GRIP1: variants seen among roughly 807,000 people sequenced by gnomAD.
The protein encoded by GRIP1 is glutamate receptor interacting protein 1, also known as glutamate receptor-interacting protein 1.
In GRIP1, 45 loss-of-function variants were observed where a neutral mutation model predicts 129.9. That is an observed-to-expected ratio of 0.35 (90% confidence interval 0.27 to 0.44). GRIP1 has a LOEUF of 0.44. Ranked by LOEUF, GRIP1 falls within the 20% of genes least tolerant of loss-of-function variation. The pLI, the probability that GRIP1 is intolerant of heterozygous loss-of-function variation, is 1.00. For synonymous variants in GRIP1, 530 were observed against 520.8 expected (o/e 1.02, Z -0.24); for missense variants, 1,196 against 1,396.8 (o/e 0.86, Z 2.29).
intron 1 of GRIP1, among the ~76,000 whole-genome samples, chr12:66,888,337 A>G (rs1398103181): frequency 6.6e-6 from 1 of 152,046 alleles, no homozygotes; most frequent in Admixed American, 6.6e-5. Context: ...CTAGGATTAC[A>G]GGCATGAACC....
At chr12:66,977,723 AGCCAAT>A (rs1366881953) in intron 1 of GRIP1, among the ~76,000 whole-genome samples, 1 of 151,150 alleles carries the variant, frequency 6.6e-6, no homozygotes, top group Non-Finnish European at 1.5e-5. Context: ...TAAGAATAAT[AGCCAAT>A]GTAAGATATA....
At chr12:66,897,652 A>C (rs2040773107) in intron 1 of GRIP1, among the ~76,000 whole-genome samples, 1 of 152,222 alleles carries the variant, frequency 6.6e-6, no homozygotes, top group Non-Finnish European at 1.5e-5. Context: ...CAGTTGATGA[A>C]ATGGCAGTAC....
intron 1 of GRIP1, among the ~76,000 whole-genome samples, chr12:66,937,709 T>C (rs947604845): frequency 1.3e-5 from 2 of 152,126 alleles, no homozygotes; most frequent in African/African-American, 4.8e-5. Context: ...AGTGGAGATG[T>C]GATAAGACAT....
At chr12:66,769,048 T>C (rs925770284) in intron 1 of GRIP1, among the ~76,000 whole-genome samples, 1 of 152,166 alleles carries the variant, frequency 6.6e-6, no homozygotes, top group East Asian at 1.9e-4. Context: ...GAGAATCATC[T>C]GGAGCTCTGT....
chr12:66,500,925 AT>A (rs2060375354), intron 7 of GRIP1, among the ~76,000 whole-genome samples: 1 of 152,236 alleles, frequency 6.6e-6, no homozygotes, highest in South Asian at 2.1e-4. Flanking sequence ...GCTTCTGAGA[AT>A]TTGCAGTAGA....
At chr12:66,846,257 T>C (rs1157508503) in intron 1 of GRIP1, among the ~76,000 whole-genome samples, 1 of 152,204 alleles carries the variant, frequency 6.6e-6, no homozygotes, top group Non-Finnish European at 1.5e-5. Context: ...CCTTGACATT[T>C]TCCCTTGAAC....
chr12:67,020,123 C>T (rs1463482922), intron 1 of GRIP1, among the ~76,000 whole-genome samples: 1 of 152,040 alleles, frequency 6.6e-6, no homozygotes, highest in Non-Finnish European at 1.5e-5. Flanking sequence ...ACTTGAGGAA[C>T]AAATGAATAA....
intron 2 of GRIP1, among the ~76,000 whole-genome samples, chr12:66,580,910 A>T (rs2063350168): frequency 6.6e-6 from 1 of 152,110 alleles, no homozygotes; most frequent in South Asian, 2.1e-4. Context: ...AAGCGGACCT[A>T]ATAGACATCT....
Position 66,539,232 on chromosome 12 carries a change from T to C in GRIP1, c.273-9A>G, listed in dbSNP as rs374499689. ...CATCCAGCTGGTCACTTCTGCAAAA[T>C]AGACAATGTTGTTTCAACAGACCCA... On this transcript the variant is annotated splice_polypyrimidine_tract_variant and intron_variant, in intron 3 of 24. Transcript: ENST00000359742. 418 of 1,614,040 alleles carry C rather than the reference T, an allele frequency of 2.6e-4. 4 individuals carry two copies. In the South Asian group the frequency reaches 4.3e-3, roughly 17 times the overall value.
chr12:66,515,872 C>T, intron 6 of GRIP1, 108 bp from the exon 7 acceptor site: 1 of 854,914 alleles, frequency 1.2e-6, no homozygotes, highest in Non-Finnish European at 2.0e-6. Context: ...TGCCATCCAT[C>T]TCATTTGCAT....
rs2064079197 is a variant in GRIP1, at chr12:66,597,005, C to T, written c.56-78G>A. 3 of 976,196 alleles carry T rather than the reference C, an allele frequency of 3.1e-6. No individual in the cohort carries two copies. The South Asian group carries it at 3.8e-5, about 12-fold the overall frequency. The allele number at this position is 976,196 out of a possible 1,614,324, so 60.5% of individuals were successfully genotyped here. On this transcript the variant is annotated intron_variant, in intron 1 of 24. Coordinates refer to ENST00000359742, the MANE Select transcript of GRIP1 (RefSeq NM_001366722.1). ...GTGAAGATTTTTAACGGATTGCAATCCTTCTGCGAGAGAGAAGTGGTACAG... is the reference window on the plus strand; with the variant it reads ...GTGAAGATTTTTAACGGATTGCAATTCTTCTGCGAGAGAGAAGTGGTACAG...
At chr12:66,815,918 G>T (rs1333445555) in intron 1 of GRIP1, among the ~76,000 whole-genome samples, 6 of 151,252 alleles carry the variant, frequency 4.0e-5, no homozygotes, top group Non-Finnish European at 8.8e-5. Context: ...AGTGGTGGGA[G>T]AGAGGAGGTT....
At chr12:67,069,224 G>A, upstream of GRIP1, 1 of 518,728 alleles carries the variant, frequency 1.9e-6, no homozygotes, top group African/African-American at 2.1e-5. Flanking sequence ...GCTGTTCAGC[G>A]GGGCTGGGGC....
chr12:66,443,400 G>C (rs2058522946), intron 13 of GRIP1, among the ~76,000 whole-genome samples: 1 of 150,502 alleles, frequency 6.6e-6, no homozygotes, highest in African/African-American at 2.4e-5. Context: ...ATTTGGAGTT[G>C]TGTTCAATCT....
At chr12:66,850,557 C>T (rs193228641) in intron 1 of GRIP1, among the ~76,000 whole-genome samples, 72 of 152,018 alleles carry the variant, frequency 4.7e-4, no homozygotes, top group Non-Finnish European at 5.7e-4. Context: ...ATGGGAAAGC[C>T]ATGTAATAGA....
In GRIP1 at chr12:66,524,735, C is replaced by T. The variant is rs540556526; in HGVS notation, c.502+5096G>A. 2.2e-4 allele frequency among the ~76,000 whole-genome samples: 33 copies of T among 152,218 alleles called. 1 individual carries two copies. In the South Asian group the frequency reaches 6.6e-3, roughly 31 times the overall value. On this transcript the variant is annotated intron_variant, in intron 5 of 24. Transcript: ENST00000359742. ...AAACTCTTCAAAAAAATTAATGAAT[C>T]CAGGAGCTGGTTTTTTGAAAAGATC...
At chr12:66,594,339 A>G (rs926863245) in intron 2 of GRIP1, among the ~76,000 whole-genome samples, 2 of 152,166 alleles carry the variant, frequency 1.3e-5, no homozygotes, top group African/African-American at 4.8e-5. Context: ...GAAGGAGACT[A>G]AGACTGTAAA....
intron 1 of GRIP1, among the ~76,000 whole-genome samples, chr12:67,035,120 G>T (rs2043076022): frequency 6.6e-6 from 1 of 152,170 alleles, no homozygotes; most frequent in African/African-American, 2.4e-5. Flanking sequence ...GCTGTGGAAA[G>T]TTGGAATTTA....
chr12:66,999,429 T>C (rs2042518405), intron 1 of GRIP1, among the ~76,000 whole-genome samples: 1 of 152,124 alleles, frequency 6.6e-6, no homozygotes, highest in African/African-American at 2.4e-5. Context: ...AAGCAGACTA[T>C]CTCCAAAGCC....
Sources: allele counts gnomAD v4.1 joint callset (sites outside exome capture counted in the v4.1 genomes callset), GRCh38; gene constraint gnomAD v4.1.1; transcripts MANE v1.5; gene names NCBI Gene and HGNC (gene_info 2026-07-23, HGNC 2026-07-21).